The following TNFRSF19 variants were observed in gnomAD, a reference collection of about 807,000 sequenced individuals.
TNFRSF19 encodes the protein TNF receptor superfamily member 19.
In TNFRSF19, 27 loss-of-function variants were observed where a neutral mutation model predicts 46.4. The ratio of observed to expected loss-of-function variants is 0.58; its 90% CI spans 0.43 to 0.80. TNFRSF19 has a LOEUF of 0.80. TNFRSF19 is among the 30% of genes least tolerant of loss of function. TNFRSF19 has a pLI of 0.00. For missense variants in TNFRSF19, 511 were observed against 530.8 expected, an observed-to-expected ratio of 0.96 and a Z score of 0.37; for synonymous variants, 204 against 205.0, an observed-to-expected ratio of 1.00 and a Z score of 0.04.
intron 4 of TNFRSF19, among the ~76,000 whole-genome samples, chr13:23,626,483 A>G (rs1882019953): frequency 6.6e-6 from 1 of 152,062 alleles, no homozygotes; most frequent in Non-Finnish European, 1.5e-5. Context: ...CCAATATAGA[A>G]GAAGTGCACT....
At chr13:23,658,692 T>C (rs184649602) in intron 5 of TNFRSF19, among the ~76,000 whole-genome samples, 2 of 152,336 alleles carry the variant, frequency 1.3e-5, no homozygotes, top group East Asian at 1.9e-4. Context: ...ATTAGTTCCC[T>C]GCCACATGCC....
intron 5 of TNFRSF19, among the ~76,000 whole-genome samples, chr13:23,628,951 A>C (rs939345454): frequency 2.6e-5 from 4 of 152,198 alleles, no homozygotes; most frequent in Non-Finnish European, 5.9e-5. Flanking sequence ...TTATCTCTGT[A>C]AAAGAAAGTT....
intron 3 of TNFRSF19, among the ~76,000 whole-genome samples, chr13:23,608,209 T>C (rs1446211555): frequency 1.3e-5 from 2 of 152,240 alleles, no homozygotes; most frequent in East Asian, 3.8e-4. Flanking sequence ...TTCTCTTCCT[T>C]GGCCACTTTT....
At chr13:23,651,832 A>G (rs1593287858) in intron 5 of TNFRSF19, among the ~76,000 whole-genome samples, 1 of 126,038 alleles carries the variant, frequency 7.9e-6, no homozygotes, top group South Asian at 2.6e-4. Flanking sequence ...AATCCTTCAC[A>G]CTATAGTCTT....
At chr13:23,668,258 C>T (rs918152287) in intron 8 of TNFRSF19, among the ~76,000 whole-genome samples, 176 bp downstream of exon 8, 2 of 152,190 alleles carry the variant, frequency 1.3e-5, no homozygotes, top group African/African-American at 4.8e-5. Context: ...CTCAAGGTCA[C>T]TCATATCCAG....
chr13:23,670,111 G>A (rs1951733586), intron 9 of TNFRSF19, among the ~76,000 whole-genome samples: 1 of 152,232 alleles, frequency 6.6e-6, no homozygotes, highest in Admixed American at 6.5e-5. Context: ...TTAGTGCAGA[G>A]TCAAAGTGTG....
chr13:23,637,516 GT>G (rs1006246020), intron 5 of TNFRSF19, among the ~76,000 whole-genome samples: 7 of 152,190 alleles, frequency 4.6e-5, no homozygotes, highest in African/African-American at 1.7e-4. Context: ...TTTGCCGTAA[GT>G]CCTGTCAAAT....
chr13:23,668,829 A>G lies in TNFRSF19; in HGVS notation c.977A>G (p.Tyr326Cys), dbSNP rs758527814. 2 of 1,614,132 alleles carry G rather than the reference A, an allele frequency of 1.2e-6. No individual in the cohort carries two copies. Among genetic ancestry groups the G allele is most frequent in the East Asian group, 2.2e-5 (1 of 44,906 alleles). ...GGDNISFCDS[Y>C]PELTGEDIHS... ...GACAACATCTCTTTTTGTGACTCTTATCCTGAACTCACTGGAGAAGACATT... is the reference window on the plus strand; with the variant it reads ...GACAACATCTCTTTTTGTGACTCTTGTCCTGAACTCACTGGAGAAGACATT... Residue 326 changes from tyrosine to cysteine, a missense_variant, in exon 9 of 10, where the codon TAT becomes TGT. Tyr to Cys is a radical substitution (Grantham distance 194). Coordinates refer to ENST00000248484, the MANE Select transcript of TNFRSF19 (RefSeq NM_148957.4).
chr13:23,618,372 A>G (rs1159166638), intron 4 of TNFRSF19, among the ~76,000 whole-genome samples: 1 of 152,242 alleles, frequency 6.6e-6, no homozygotes, highest in Non-Finnish European at 1.5e-5. Flanking sequence ...AGAAATATAC[A>G]AATGTCCAAT....
intron 5 of TNFRSF19, among the ~76,000 whole-genome samples, chr13:23,630,652 C>T (rs1344149051): frequency 1.3e-5 from 2 of 152,196 alleles, no homozygotes; most frequent in Non-Finnish European, 2.9e-5. Context: ...ATTGTTCCCC[C>T]AAGTAACTTC....
chr13:23,571,375 A>G (rs180783468), intron 1 of TNFRSF19, among the ~76,000 whole-genome samples: 232 of 152,366 alleles, frequency 1.5e-3, no homozygotes, highest in African/African-American at 5.1e-3. Context: ...TTGTACACTC[A>G]AGGGAATCAC....
At chr13:23,601,323 G>A in intron 3 of TNFRSF19, among the ~76,000 whole-genome samples, 1 of 152,318 alleles carries the variant, frequency 6.6e-6, no homozygotes, top group Middle Eastern at 3.4e-3. Context: ...ATGCAAGGCA[G>A]AAGAGAGTGC....
intron 5 of TNFRSF19, among the ~76,000 whole-genome samples, chr13:23,627,297 T>A (rs1004547435): frequency 1.3e-5 from 2 of 152,344 alleles, no homozygotes; most frequent in African/African-American, 4.8e-5. Context: ...TTCTCTCATT[T>A]AACAAATAAA....
chr13:23,593,212 A>T, intron 2 of TNFRSF19, 133 bp from the exon 3 acceptor site: 1 of 525,832 alleles, frequency 1.9e-6, no homozygotes, highest in Non-Finnish European at 3.3e-6. Flanking sequence ...TCCTAAAGTG[A>T]ACATTGAATT....
chr13:23,651,893 TAAAAAAAAA>T (rs34023907), intron 5 of TNFRSF19, among the ~76,000 whole-genome samples: 2 of 9,972 alleles, frequency 2.0e-4, no homozygotes, highest in South Asian at 6.4e-3. Context: ...CATAACATGC[TAAAAAAAAA>T]AAAAAAAAAA....
chr13:23,590,891 A>C (rs1428776750), intron 2 of TNFRSF19, among the ~76,000 whole-genome samples: 2 of 152,066 alleles, frequency 1.3e-5, no homozygotes, highest in Non-Finnish European at 2.9e-5. Context: ...AAAAGACCAT[A>C]AATTCTAATT....
intron 6 of TNFRSF19, 37 bp from the exon 7 acceptor site, chr13:23,660,328 A>T (rs745539607): frequency 1.3e-5 from 20 of 1,593,088 alleles, no homozygotes; most frequent in Non-Finnish European, 1.5e-5. Context: ...TAGAGAGGAG[A>T]CTGTGTTCCC....
At chr13:23,626,187 CTGTGTGTGTGTGTGTGTG>C (rs35509472) in intron 4 of TNFRSF19, among the ~76,000 whole-genome samples, 2 of 145,468 alleles carry the variant, frequency 1.4e-5, no homozygotes, top group East Asian at 2.0e-4. Context: ...TCTTTAAAAT[CTGTGTGTGTGTGTGTGTG>C]TGTGTGTGTG....
rs748111366 is a variant in TNFRSF19, at chr13:23,659,121, G to T, written c.517G>T (p.Val173Phe). 1.9e-6 allele frequency: 3 copies of T among 1,614,022 alleles called. No homozygotes were observed. The highest frequency in any genetic ancestry group is 1.7e-6 in the Non-Finnish European group (2 of 1,180,036). ...SSPRDTALAAVICSALATVLL... is the reference protein window; with the variant it reads ...SSPRDTALAAFICSALATVLL... ...CCCACGGGACACGGCGCTGGCTGCC[G>T]TTATCTGCAGCGCTCTGGCCACCGT... is the stretch of plus-strand genomic sequence containing the variant. Residue 173 changes from valine to phenylalanine, a missense_variant, in exon 6 of 10, where the codon GTT becomes TTT. By Grantham distance (50) the Val-to-Phe change is conservative (BLOSUM62 -1). Around this residue, in one of 3 missense-constraint regions of TNFRSF19, gnomAD observed 376 missense variants for 372.7 expected, o/e 1.01. Transcript: ENST00000248484. This position sits in a 1 kb window ranked among gnomAD's most constrained non-coding sequence, Gnocchi z 4.9.
Sources: gnomAD v4.1 joint callset for allele counts (sites outside exome capture counted in the v4.1 genomes callset) on GRCh38, gnomAD v4.1.1 for gene constraint, gnomAD v4.1.1 regional missense constraint, Gnocchi (gnomAD v3.1) non-coding constraint, MANE v1.5 for transcripts, NCBI Gene and HGNC (gene_info 2026-07-23, HGNC 2026-07-21) for gene names.